The following CDH4 variants were observed in gnomAD, a reference collection of about 807,000 sequenced individuals.
CDH4 encodes the protein cadherin-4.
A neutral mutation model predicts 86.0 loss-of-function variants in CDH4; 33 were observed. That is an observed-to-expected ratio of 0.38 (90% CI 0.29 to 0.51). The LOEUF is 0.51. Ranked by LOEUF, CDH4 falls within the 20% of genes least tolerant of loss-of-function variation. CDH4 has a pLI of 0.86. For missense variants in CDH4, 1,114 were observed against 1,307.4 expected, an observed-to-expected ratio of 0.85 and a Z score of 2.28; for synonymous variants, 555 against 549.4, an observed-to-expected ratio of 1.01 and a Z score of -0.14.
intron 13 of CDH4, among the ~76,000 whole-genome samples, chr20:61,931,549 A>T (rs559689256): frequency 6.6e-6 from 1 of 152,336 alleles, no homozygotes; most frequent in African/African-American, 2.4e-5. Flanking sequence ...TCTGCGGTAC[A>T]TAAGAGTGCA....
intron 2 of CDH4, among the ~76,000 whole-genome samples, chr20:61,733,826 C>CTGG (rs1555832169): frequency 6.6e-6 from 1 of 152,256 alleles, no homozygotes; most frequent in Non-Finnish European, 1.5e-5. Flanking sequence ...AAGCTCACCT[C>CTGG]TGGCTCATTT....
chr20:61,908,894 T>A (rs1041172561), intron 8 of CDH4, among the ~76,000 whole-genome samples: 4 of 152,168 alleles, frequency 2.6e-5, no homozygotes, highest in African/African-American at 9.7e-5. Context: ...TGGGTTCAGG[T>A]CACCCCAGTG....
intron 2 of CDH4, among the ~76,000 whole-genome samples, chr20:61,438,199 CT>C (rs1357047042): frequency 2.0e-5 from 3 of 152,210 alleles, no homozygotes; most frequent in Non-Finnish European, 4.4e-5. Context: ...CCAGTGATGC[CT>C]TTAATTCAAG....
At chr20:61,815,063 G>A (rs969611268) in intron 4 of CDH4, among the ~76,000 whole-genome samples, 5 of 152,298 alleles carry the variant, frequency 3.3e-5, no homozygotes, top group Non-Finnish European at 7.4e-5. Context: ...TGAAATCATT[G>A]AATAGGATGC....
At chr20:61,862,892 T>C (rs1349879006) in intron 6 of CDH4, among the ~76,000 whole-genome samples, 1 of 152,192 alleles carries the variant, frequency 6.6e-6, no homozygotes, top group Non-Finnish European at 1.5e-5. Context: ...CCTTCATCTA[T>C]ACAGCACCGA....
chr20:61,377,478 C>T lies in CDH4; in HGVS notation c.169+122541C>T, dbSNP rs1419402857. Among the ~76,000 whole-genome samples the T allele has an allele frequency of 6.6e-6, 1 of 152,168 alleles. No individual in the cohort carries two copies. Among genetic ancestry groups the T allele is most frequent in the Non-Finnish European group, 1.5e-5 (1 of 68,034 alleles). ...TTCCTGAGTGTAAAACCCTCCAGCA[C>T]CAAGACATCCCCATGTGCACTTGTA... On this transcript the variant is annotated intron_variant, in intron 2 of 15. Transcript: ENST00000614565. This position sits in a 1 kb window ranked among gnomAD's most constrained non-coding sequence, Gnocchi z 4.0.
intron 2 of CDH4, among the ~76,000 whole-genome samples, chr20:61,288,840 G>A (rs75399175): frequency 0.038 from 5,732 of 152,310 alleles, 159 homozygotes; most frequent in Non-Finnish European, 0.055. Context: ...GTGTTGGGAG[G>A]TTCAAGGGTA....
rs183413696 is a variant in CDH4 at position 61,515,334 on chromosome 20, G to A, written c.170-228229G>A. 4.0e-3 allele frequency among the ~76,000 whole-genome samples: 607 copies of A among 152,310 alleles called. 4 individuals are homozygous for A. Among genetic ancestry groups the A allele is most frequent in the South Asian group, 0.017 (83 of 4,824 alleles). The stretch of plus-strand genomic sequence containing the variant: ...CAGGTCCCAGATTGTCAGAAAGGAC[G>A]CCGCAGTCCCCAAAAGCTGCATGTA... On this transcript the variant is annotated intron_variant, in intron 2 of 15. Transcript: ENST00000614565.
chr20:61,389,832 C>T (rs776455353), intron 2 of CDH4, among the ~76,000 whole-genome samples: 3 of 152,202 alleles, frequency 2.0e-5, no homozygotes, highest in Admixed American at 1.3e-4. Flanking sequence ...CGATTGACAT[C>T]GTGCAGTCAT....
chr20:61,271,154 TTTTAAAGGGA>T (rs754769728), intron 2 of CDH4, among the ~76,000 whole-genome samples: 15 of 152,156 alleles, frequency 9.9e-5, no homozygotes, highest in Admixed American at 2.0e-4. Flanking sequence ...CTCTCCAGGG[TTTTAAAGGGA>T]TGGACTGGGG....
At chr20:61,455,997 G>T (rs926817198) in intron 2 of CDH4, among the ~76,000 whole-genome samples, 3 of 151,844 alleles carry the variant, frequency 2.0e-5, no homozygotes, top group Admixed American at 1.3e-4. Flanking sequence ...ATGGATGGAT[G>T]GATAGATATA....
chr20:61,534,665 C>CTTTTTTTTTTTTTTTTTTTTTTTTTT lies in CDH4; in HGVS notation c.170-208876_170-208875insTTTTTTTTTTTTTTTTTTTTTTTTTT, dbSNP rs34309371. On this transcript the variant is annotated intron_variant, in intron 2 of 15. Transcript: ENST00000614565. ...CTTTCTTTCTTTTCTTTCTTTCTTT[C>CTTTTTTTTTTTTTTTTTTTTTTTTTT]TTTTTTTTTTTTTTTTTTTTTTGAG... Among the ~76,000 whole-genome samples, 24 of 76,056 alleles carry CTTTTTTTTTTTTTTTTTTTTTTTTTT rather than the reference C, an allele frequency of 3.2e-4. 1 individual carries two copies. Among genetic ancestry groups the CTTTTTTTTTTTTTTTTTTTTTTTTTT allele is most frequent in the African/African-American group, 2.0e-3 (19 of 9,286 alleles). 49.9% of individuals were successfully genotyped at this position (76,056 alleles called of 152,430 possible).
intron 2 of CDH4, among the ~76,000 whole-genome samples, chr20:61,572,859 GGAT>G (rs1196361022): frequency 2.6e-5 from 4 of 151,870 alleles, no homozygotes; most frequent in African/African-American, 9.7e-5. Flanking sequence ...ATGGATGGAT[GGAT>G]GGATGGACAG....
intron 2 of CDH4, among the ~76,000 whole-genome samples, chr20:61,618,222 G>A (rs571976554): frequency 1.8e-4 from 27 of 152,072 alleles, no homozygotes; most frequent in South Asian, 1.0e-3. Context: ...CTTGTTTTCC[G>A]GAGCCAGTTT....
In CDH4 at chr20:61,753,567, C is replaced by T. The variant is rs149211101; in HGVS notation, c.396+9778C>T. ...TTCCCACCGGAGGGCTGAGTCACCC[C>T]TGAGGAATCAGAGCAATATTCTGGC... On this transcript the variant is annotated intron_variant, in intron 3 of 15. Coordinates refer to ENST00000614565, the MANE Select transcript of CDH4 (RefSeq NM_001794.5). Among the ~76,000 whole-genome samples, 626 of 152,326 alleles carry T rather than the reference C, an allele frequency of 4.1e-3. 26 individuals carry two copies. The highest frequency in any genetic ancestry group is 0.035 in the Admixed American group (531 of 15,312).
intron 7 of CDH4, among the ~76,000 whole-genome samples, chr20:61,877,356 A>ACCCACCCCCCACCC (rs144411835): frequency 1.3e-4 from 17 of 128,630 alleles, no homozygotes; most frequent in East Asian, 5.6e-4. Flanking sequence ...ACAGAGCGGT[A>ACCCACCCCCCACCC]CCCACCCCCC....
chr20:61,488,634 CAA>C (rs796674672), intron 2 of CDH4, among the ~76,000 whole-genome samples: 16 of 151,928 alleles, frequency 1.1e-4, no homozygotes, highest in African/African-American at 3.9e-4. Flanking sequence ...CATGGAGAGA[CAA>C]AAGAGAGAGA....
intron 2 of CDH4, among the ~76,000 whole-genome samples, chr20:61,660,079 T>C (rs898112621): frequency 5.9e-5 from 9 of 152,144 alleles, no homozygotes; most frequent in African/African-American, 2.2e-4. Flanking sequence ...GCACCAGCGG[T>C]CTTCCACCCC....
intron 3 of CDH4, among the ~76,000 whole-genome samples, chr20:61,768,946 G>T (rs1311082319): frequency 6.6e-6 from 1 of 152,164 alleles, no homozygotes; most frequent in Non-Finnish European, 1.5e-5. Context: ...CAGAGTCTGA[G>T]ATTCAGAGGG....
Sources: gnomAD v4.1 joint callset for allele counts (sites outside exome capture counted in the v4.1 genomes callset) on GRCh38, gnomAD v4.1.1 for gene constraint, Gnocchi (gnomAD v3.1) non-coding constraint, MANE v1.5 for transcripts, NCBI Gene and HGNC (gene_info 2026-07-23, HGNC 2026-07-21) for gene names.